Variants in ABCC11 observed in about 807,000 individuals in gnomAD.
ABCC11 encodes ATP-binding cassette sub-family C member 11.
In ABCC11, 135 loss-of-function variants were observed where a neutral mutation model predicts 149.3. That is an observed-to-expected ratio of 0.90 (90% CI 0.79 to 1.04). The LOEUF (loss-of-function observed/expected upper bound fraction) is 1.04, where lower values mean the gene tolerates loss of function less well. ABCC11 is among the 50% of genes least tolerant of loss of function. ABCC11 has a pLI of 0.00. For missense variants in ABCC11, 1,680 were observed against 1,722.1 expected, an observed-to-expected ratio of 0.98 and a Z score of 0.43; for synonymous variants, 665 against 671.4, an observed-to-expected ratio of 0.99 and a Z score of 0.15.
intron 23 of ABCC11, among the ~76,000 whole-genome samples, chr16:48,181,609 TTC>T (rs1053573573): frequency 4.6e-5 from 7 of 151,558 alleles, no homozygotes; most frequent in African/African-American, 1.7e-4. Flanking sequence ...AAACCACATG[TTC>T]TTTTTTTTTT....
chr16:48,204,484 T>C (rs1172526509), intron 13 of ABCC11, among the ~76,000 whole-genome samples: 1 of 152,080 alleles, frequency 6.6e-6, no homozygotes, highest in East Asian at 1.9e-4. Flanking sequence ...CAATTACCAA[T>C]TAGATGTGGA....
chr16:48,214,022 C>T (rs1355983623), intron 9 of ABCC11, among the ~76,000 whole-genome samples: 1 of 152,120 alleles, frequency 6.6e-6, no homozygotes, highest in African/African-American at 2.4e-5. Flanking sequence ...CATGCCTAAC[C>T]CATGCTGCAC....
intron 22 of ABCC11, among the ~76,000 whole-genome samples, chr16:48,184,989 G>A (rs1966669987): frequency 6.6e-6 from 1 of 152,208 alleles, no homozygotes; most frequent in Non-Finnish European, 1.5e-5. Flanking sequence ...TCAGTGGGAT[G>A]ATGGGATATC....
intron 1 of ABCC11, chr16:48,244,607 G>C: frequency 6.8e-7 from 1 of 1,478,124 alleles, no homozygotes; most frequent in Non-Finnish European, 8.9e-7. Context: ...CGCAGGACCT[G>C]CCGCCGCTGC....
chr16:48,202,630 A>AT (rs1453712654), intron 14 of ABCC11, among the ~76,000 whole-genome samples: 1 of 150,970 alleles, frequency 6.6e-6, no homozygotes, highest in Admixed American at 6.6e-5. Context: ...AAAAAAAAAA[A>AT]GAAGAAGAAG....
chr16:48,228,923 G>A (rs1427236596), intron 3 of ABCC11, among the ~76,000 whole-genome samples: 1 of 149,166 alleles, frequency 6.7e-6, no homozygotes, highest in East Asian at 1.9e-4. Context: ...TTTCAAAATT[G>A]CCTTTAAGTT....
At chr16:48,197,886 T>G (rs1967581574) in intron 17 of ABCC11, 85 bp downstream of exon 17, 3 of 1,426,664 alleles carry the variant, frequency 2.1e-6, no homozygotes, top group Admixed American at 1.7e-5. Flanking sequence ...CATGGCCCAG[T>G]CTGGGGTCAA....
chr16:48,170,329 C>T (rs555915675), intron 27 of ABCC11, 111 bp from the exon 28 acceptor site: 23 of 807,640 alleles, frequency 2.8e-5, no homozygotes, highest in Admixed American at 1.5e-4. Context: ...CCTCTCTCTA[C>T]GCTCCAGCCT....
At chr16:48,173,967 T>C (rs1192635814) in intron 26 of ABCC11, among the ~76,000 whole-genome samples, 1 of 152,146 alleles carries the variant, frequency 6.6e-6, no homozygotes, top group Non-Finnish European at 1.5e-5. Flanking sequence ...GTGCACATAT[T>C]GTTCCTTCTC....
chr16:48,196,350 G>A, intron 17 of ABCC11, 29 bp from the exon 18 acceptor site: 1 of 1,600,522 alleles, frequency 6.2e-7, no homozygotes, highest in East Asian at 2.2e-5. Context: ...AGAGAAAAGT[G>A]GTATGCCTGC....
At chr16:48,212,257 C>T (rs1380199088) in intron 10 of ABCC11, among the ~76,000 whole-genome samples, 2 of 152,172 alleles carry the variant, frequency 1.3e-5, no homozygotes, top group African/African-American at 4.8e-5. Context: ...TCAAAGTCAT[C>T]TTCGCAGGGG....
intron 23 of ABCC11, among the ~76,000 whole-genome samples, chr16:48,180,584 T>G (rs1388685158): frequency 3.3e-5 from 5 of 152,206 alleles, no homozygotes; most frequent in Admixed American, 6.5e-5. Flanking sequence ...GAGAAGCCTC[T>G]TGGGGCTGCA....
rs908188827 is a variant in ABCC11 at position 48,227,932 on chromosome 16, C to G, written c.269G>C (p.Gly90Ala). The G allele has an allele frequency of 6.2e-7, 1 of 1,613,654 alleles. No homozygotes were observed. Among genetic ancestry groups the G allele is most frequent in the African/African-American group, 1.3e-5 (1 of 74,828 alleles). ...FPAPQPLDNAGLFSYLTVSWL... is the reference protein window; with the variant it reads ...FPAPQPLDNAALFSYLTVSWL... ...TGACACGGTGAGGTAGGAGAACAGG[C>G]CAGCATTGTCCAGGGGCTGGGGGGC... The change falls in exon 4 of 30, where the codon GGC becomes GCC. Residue 90 changes from glycine (G) to alanine (A), a missense_variant. Physicochemically the swap from Gly to Ala is moderately conservative, Grantham distance 60. Transcript: ENST00000356608.
At chr16:48,177,645 C>G (rs1256839103) in intron 24 of ABCC11, among the ~76,000 whole-genome samples, 1 of 152,232 alleles carries the variant, frequency 6.6e-6, no homozygotes, top group Non-Finnish European at 1.5e-5. Flanking sequence ...CTGCCTAACG[C>G]CGAGCCCACT....
chr16:48,178,335 C>A lies in ABCC11; in HGVS notation c.3348+262G>T, dbSNP rs117216316. Among the ~76,000 whole-genome samples, 499 of 152,228 alleles carry A rather than the reference C, an allele frequency of 3.3e-3. 2 individuals carry two copies. Among genetic ancestry groups the A allele is most frequent in the South Asian group, 9.6e-3 (46 of 4,814 alleles). On this transcript the variant is annotated intron_variant, in intron 24 of 29. Transcript: ENST00000356608. Reference sequence around the variant, plus strand: ...ATCATTATTATTGCACTGGGCAAACCTCTCATTTCCAAGAGGAGAAGATGA... The same window carrying A: ...ATCATTATTATTGCACTGGGCAAACATCTCATTTCCAAGAGGAGAAGATGA...
intron 22 of ABCC11, among the ~76,000 whole-genome samples, chr16:48,185,088 A>G (rs1025939164): frequency 1.3e-5 from 2 of 152,228 alleles, no homozygotes; most frequent in African/African-American, 2.4e-5. Flanking sequence ...CATGGAAGGC[A>G]GAGCAGTAAA....
At chr16:48,198,385 C>A (rs1967635045) in intron 15 of ABCC11, 110 bp from the exon 16 acceptor site, 1 of 1,191,960 alleles carries the variant, frequency 8.4e-7, no homozygotes, top group Non-Finnish European at 1.2e-6. Flanking sequence ...TTATTTCATA[C>A]CAACAGATGA....
chr16:48,187,486 G>A, intron 20 of ABCC11, 59 bp from the exon 21 acceptor site: 2 of 1,423,090 alleles, frequency 1.4e-6, no homozygotes, highest in South Asian at 1.2e-5. Context: ...CTCAAGATTG[G>A]ATGAAGATGC....
chr16:48,212,239 A>G (rs1445519823), intron 10 of ABCC11, among the ~76,000 whole-genome samples: 1 of 152,124 alleles, frequency 6.6e-6, no homozygotes, highest in Non-Finnish European at 1.5e-5. Context: ...CAGCCTGGTC[A>G]TCATCACTCA....
Sources: gnomAD v4.1 joint callset for allele counts (sites outside exome capture counted in the v4.1 genomes callset) on GRCh38, gnomAD v4.1.1 for gene constraint, MANE v1.5 for transcripts, NCBI Gene and HGNC (gene_info 2026-07-23, HGNC 2026-07-21) for gene names.